BCL11A: variants seen among roughly 807,000 people sequenced by gnomAD.
BCL11A encodes the protein BCL11 transcription factor A.
A neutral mutation model predicts 55.9 loss-of-function variants in BCL11A; 2 were observed. That is an observed-to-expected ratio of 0.04 (90% CI 0.01 to 0.11). BCL11A has a LOEUF of 0.11. Among genes scored for constraint, BCL11A ranks in the 10% least tolerant of loss-of-function variants. The pLI, the probability that BCL11A is intolerant of heterozygous loss-of-function variation, is 1.00. For missense variants in BCL11A, 817 were observed against 1,137.1 expected, an observed-to-expected ratio of 0.72 and a Z score of 4.05; for synonymous variants, 465 against 473.4, an observed-to-expected ratio of 0.98 and a Z score of 0.23.
chr2:60,490,551 T>G (rs1288809298), intron 2 of BCL11A, among the ~76,000 whole-genome samples: 1 of 152,242 alleles, frequency 6.6e-6, no homozygotes, highest in East Asian at 1.9e-4. Context: ...AATGAAGGTC[T>G]ACCTAGTCAC....
rs562238324 is a variant in BCL11A at position 60,543,474 on chromosome 2, C to T, written c.385+2497G>A. On this transcript the variant is annotated intron_variant, in intron 2 of 3. Coordinates refer to ENST00000642384, the MANE Select transcript of BCL11A (RefSeq NM_022893.4). ...AAAAGCAGACTTGGAATTGTGCAGA[C>T]GTGCTTTAGAGAAATGGGCTGGGGG... 3.3e-5 allele frequency: 5 copies of T among 152,216 alleles called. No homozygotes were observed. The South Asian group carries it at 8.3e-4, about 25-fold the overall frequency. The allele number at this position is 152,216 out of a possible 1,614,324, so 9.4% of individuals were successfully genotyped here.
chr2:60,492,867 T>G (rs1057024019), intron 2 of BCL11A, among the ~76,000 whole-genome samples: 1 of 152,184 alleles, frequency 6.6e-6, no homozygotes. Context: ...TCATTTTAAG[T>G]GTACAGTTGG....
At chr2:60,552,873 T>G (rs1254181451) in intron 1 of BCL11A, among the ~76,000 whole-genome samples, 1 of 122,276 alleles carries the variant, frequency 8.2e-6, no homozygotes, top group Non-Finnish European at 1.8e-5. Flanking sequence ...TTGTTCATTA[T>G]TTTGCAAAAC....
chr2:60,540,426 G>A (rs1199515769), intron 2 of BCL11A, among the ~76,000 whole-genome samples: 3 of 152,168 alleles, frequency 2.0e-5, no homozygotes, highest in South Asian at 2.1e-4. Context: ...ATCCAGTGAC[G>A]CAATCTTGGT....
At chr2:60,498,757 C>G (rs1338805964) in intron 2 of BCL11A, among the ~76,000 whole-genome samples, 2 of 152,222 alleles carry the variant, frequency 1.3e-5, no homozygotes, top group African/African-American at 4.8e-5. Context: ...CAAGTTCGTA[C>G]AGACCCAGCC....
intron 2 of BCL11A, among the ~76,000 whole-genome samples, chr2:60,483,470 G>C (rs1678075596): frequency 6.6e-6 from 1 of 152,232 alleles, no homozygotes; most frequent in African/African-American, 2.4e-5. Context: ...TATAGCTGCA[G>C]TCCCTTTAGC....
intron 2 of BCL11A, chr2:60,536,738 T>C (rs544876359): frequency 2.6e-5 from 4 of 152,160 alleles, no homozygotes; most frequent in African/African-American, 7.2e-5. Flanking sequence ...GGAATGCATA[T>C]AGGAAGCCTT....
chr2:60,529,125 A>AC (rs1461725826), intron 2 of BCL11A, among the ~76,000 whole-genome samples: 2 of 152,032 alleles, frequency 1.3e-5, no homozygotes, highest in Admixed American at 6.6e-5. Flanking sequence ...AGCTCTTTAG[A>AC]CCCCCACCTG....
chr2:60,526,291 T>A (rs1669197612), intron 2 of BCL11A: 1 of 152,218 alleles, frequency 6.6e-6, no homozygotes, highest in Non-Finnish European at 1.5e-5. Flanking sequence ...TTTAAATAGT[T>A]TTCATCTTTA....
rs753735660 is a variant in BCL11A at position 60,461,877 on chromosome 2, T to A, written c.1035A>T (p.Pro345=). The A allele has an allele frequency of 6.2e-7, 1 of 1,613,970 alleles. No individual in the cohort carries two copies. The highest frequency in any genetic ancestry group is 1.1e-5 in the South Asian group (1 of 91,078). Residue 345 remains proline (P), a synonymous_variant, in exon 4 of 4, where the codon CCA becomes CCT. Transcript: ENST00000642384. The part of the protein sequence containing the change: ...RPSPMQRLLQ[P]FQPGSKPPFL... ...AGGGCGGCTTGCTACCTGGCTGGAATGGTTGCAGTAACCTTTGCATAGGGC... is the reference window on the plus strand; with the variant it reads ...AGGGCGGCTTGCTACCTGGCTGGAAAGGTTGCAGTAACCTTTGCATAGGGC...
rs1326242963 is a variant in BCL11A at position 60,513,898 on chromosome 2, G to A, written c.385+32073C>T. Among the ~76,000 whole-genome samples, 3 of 152,206 alleles carry A rather than the reference G, an allele frequency of 2.0e-5. No homozygotes were observed. In the East Asian group the frequency reaches 5.8e-4, roughly 29 times the overall value. ...CAGACAGGCACCTCCATGAAGAGAA[G>A]CTGTTCCTGGCTTGTGGTGAGCAAA... is the stretch of plus-strand genomic sequence containing the variant. On this transcript the variant is annotated intron_variant, in intron 2 of 3. Coordinates refer to ENST00000642384, the MANE Select transcript of BCL11A (RefSeq NM_022893.4).
At chr2:60,539,227 G>A (rs904144751) in intron 2 of BCL11A, among the ~76,000 whole-genome samples, 5 of 152,160 alleles carry the variant, frequency 3.3e-5, no homozygotes, top group Non-Finnish European at 5.9e-5. Flanking sequence ...TTCCAGCTCC[G>A]CATCTGACAG....
intron 2 of BCL11A, among the ~76,000 whole-genome samples, chr2:60,531,058 C>G (rs1473710569): frequency 1.3e-5 from 2 of 152,094 alleles, no homozygotes; most frequent in Non-Finnish European, 2.9e-5. Flanking sequence ...TCCCTTTGTG[C>G]TCCTTCCCTC....
rs1271511398 is a variant in BCL11A at position 60,467,786 on chromosome 2, A to ATGGTGATGGTACTGG, written c.487+931_487+945dup. Among the ~76,000 whole-genome samples, 108 of 33,838 alleles carry ATGGTGATGGTACTGG rather than the reference A, an allele frequency of 3.2e-3. 1 individual carries two copies. Among genetic ancestry groups the ATGGTGATGGTACTGG allele is most frequent in the East Asian group, 0.021 (10 of 486 alleles). The allele number at this position is 33,838 out of a possible 152,430, so 22.2% of individuals were successfully genotyped here. On this transcript the variant is annotated intron_variant, in intron 3 of 3. Transcript: ENST00000642384. ...GGTGGTGGTGGAGATGGTGGTGTTG[A>ATGGTGATGGTACTGG]TGGTGATGGTACTGGTGGTGATGGT...
chr2:60,494,315 T>A (rs1678822475), intron 2 of BCL11A, among the ~76,000 whole-genome samples: 1 of 152,186 alleles, frequency 6.6e-6, no homozygotes, highest in African/African-American at 2.4e-5. Context: ...GCCTCTAAAC[T>A]GGGCAGTGAC....
At chr2:60,551,986 C>CT (rs1313568646) in intron 1 of BCL11A, among the ~76,000 whole-genome samples, 2 of 152,060 alleles carry the variant, frequency 1.3e-5, no homozygotes, top group African/African-American at 4.8e-5. Context: ...TCCACTTCCA[C>CT]TTTTTTTGAA....
At chr2:60,466,436 A>G (rs1227216285) in intron 3 of BCL11A, among the ~76,000 whole-genome samples, 2 of 152,030 alleles carry the variant, frequency 1.3e-5, no homozygotes, top group East Asian at 1.9e-4. Flanking sequence ...CGTGAGCCCA[A>G]CCTCCTAAAC....
At chr2:60,520,147 G>A (rs1042699705) in intron 2 of BCL11A, among the ~76,000 whole-genome samples, 14 of 152,070 alleles carry the variant, frequency 9.2e-5, no homozygotes, top group African/African-American at 3.4e-4. Context: ...TATACCTTGC[G>A]TGGCAAGGTA....
intron 2 of BCL11A, among the ~76,000 whole-genome samples, chr2:60,520,050 GTATT>G (rs1000552706): frequency 3.3e-5 from 5 of 152,124 alleles, no homozygotes; most frequent in Admixed American, 2.6e-4. Context: ...TTATGCCTGT[GTATT>G]TATGCACAAA....
Sources: allele counts gnomAD v4.1 joint callset (sites outside exome capture counted in the v4.1 genomes callset), GRCh38; gene constraint gnomAD v4.1.1; transcripts MANE v1.5; gene names NCBI Gene and HGNC (gene_info 2026-07-23, HGNC 2026-07-21).